Variants in PARP6 observed in about 807,000 individuals in gnomAD.
PARP6 encodes the protein poly(ADP-ribose) polymerase family member 6, also known as protein mono-ADP-ribosyltransferase PARP6.
PARP6 carries 27 observed loss-of-function variants against 92.0 expected under a neutral mutation model. That is an observed-to-expected ratio of 0.29 (90% CI 0.22 to 0.40). PARP6 has a LOEUF of 0.40. Among genes scored for constraint, PARP6 ranks in the 10% least tolerant of loss-of-function variants. PARP6 has a pLI of 1.00. For synonymous variants in PARP6, 272 were observed against 281.2 expected (o/e 0.97, Z 0.33); for missense variants, 501 against 784.5 (o/e 0.64, Z 4.32).
chr15:72,271,824 C>T lies in PARP6; in HGVS notation c.-459-537G>A, dbSNP rs1436988091. ...GTCCAGAGAAGGTGTTAAAACTCAG[C>T]GGCTAATATAGAACGCTTTATGAGT... On this transcript the variant is annotated intron_variant, in intron 1 of 23. Transcript: ENST00000569795. 2.0e-5 allele frequency among the ~76,000 whole-genome samples: 3 copies of T among 152,184 alleles called. No individual in the cohort carries two copies. In the East Asian group the frequency reaches 5.8e-4, roughly 29 times the overall value.
At chr15:72,256,693 T>G in intron 13 of PARP6, 103 bp from the exon 14 acceptor site, 1 of 967,750 alleles carries the variant, frequency 1.0e-6, no homozygotes, top group Non-Finnish European at 1.4e-6. Flanking sequence ...AAAAAGCAAA[T>G]ATGTTTAAGG....
At chr15:72,259,748 C>T in intron 10 of PARP6, 87 bp from the exon 11 acceptor site, 1 of 1,116,656 alleles carries the variant, frequency 9.0e-7, no homozygotes, top group Non-Finnish European at 1.3e-6. Context: ...ACCTAGGACT[C>T]TCCTAAAGCA....
At position 72,241,869 on chromosome 15, in the gene PARP6, C is replaced by T. The variant is rs770503133; in HGVS notation, c.1790+32G>A. 8 of 1,511,906 alleles carry T rather than the reference C, an allele frequency of 5.3e-6. No homozygotes were observed. Among genetic ancestry groups the T allele is most frequent in the South Asian group, 3.4e-5 (3 of 89,054 alleles). The allele number at this position is 1,511,906 out of a possible 1,614,324, so 93.7% of individuals were successfully genotyped here. A position where few individuals can be genotyped will look rare whatever the true frequency, so the allele number is the denominator to read the frequency against. ...CCATCACACCCCCAACCTCACTCCT[C>T]GAGTAATCCCCAGAGTCCCTCCGAC... On this transcript the variant is annotated intron_variant, in intron 23 of 23. Transcript: ENST00000569795. This position sits in a 1 kb window ranked among gnomAD's most constrained non-coding sequence, Gnocchi z 4.1.
chr15:72,269,986 G>A (rs11634622), intron 2 of PARP6, among the ~76,000 whole-genome samples: 94,667 of 151,408 alleles, frequency 0.63, 31,225 homozygotes, highest in Middle Eastern at 0.74. Flanking sequence ...GCTCCAAGTT[G>A]TTCTGATGCA....
At position 72,241,230 on chromosome 15, in the gene PARP6, A is replaced by C; in HGVS notation, c.*225T>G. The C allele has an allele frequency of 1.5e-6, 1 of 663,354 alleles. No individual in the cohort carries two copies. The highest frequency in any genetic ancestry group is 1.5e-5 in the South Asian group (1 of 66,372). 41.1% of individuals were successfully genotyped at this position (663,354 alleles called of 1,614,324 possible). On this transcript the variant is annotated 3_prime_UTR_variant, in exon 24 of 24. Coordinates refer to ENST00000569795, the MANE Select transcript of PARP6 (RefSeq NM_001323532.2). The surrounding 1 kb of genome is among the most constrained non-coding windows in gnomAD (Gnocchi z 4.1). ...TATTGTTTTATTTACAAACAGGGTG[A>C]AGTCAAAGGGAAAGTCAGGGGATGG...
In PARP6 at chr15:72,250,971, G is replaced by A. The variant is rs2084267972; in HGVS notation, c.1309-17C>T. ...GAACTTCAGCTGCTGCCCAGGGTGG[G>A]GGTGGAATCAGGAAAACAGAGCAGA... On this transcript the variant is annotated splice_polypyrimidine_tract_variant and intron_variant, in intron 17 of 23. Transcript: ENST00000569795. 2 of 1,580,648 alleles carry A rather than the reference G, an allele frequency of 1.3e-6. No individual in the cohort carries two copies. The highest frequency in any genetic ancestry group is 2.2e-5 in the East Asian group (1 of 44,482).
At chr15:72,264,383 C>T (rs1242837506) in intron 8 of PARP6, among the ~76,000 whole-genome samples, 172 bp downstream of exon 8, 1 of 152,204 alleles carries the variant, frequency 6.6e-6, no homozygotes, top group Non-Finnish European at 1.5e-5. Flanking sequence ...ACTCTCTCTC[C>T]ACAAGCTTAA....
At chr15:72,244,534 G>A (rs2083390695) in intron 20 of PARP6, 1 of 152,116 alleles carries the variant, frequency 6.6e-6, no homozygotes, top group Non-Finnish European at 1.5e-5. Context: ...CAAGTCACTG[G>A]AACTAGATAT....
In PARP6 at chr15:72,242,664, C is replaced by A; in HGVS notation, c.1597G>T (p.Asp533Tyr). 6.2e-7 allele frequency: 1 copy of A among 1,612,648 alleles called. No homozygotes were observed. Among genetic ancestry groups the A allele is most frequent in the South Asian group, 1.1e-5 (1 of 90,982 alleles). ...CTGTTGTATCTCTGGACCAGCTCATCCTTGGAGGGCATCCTGTGCTGTCCT... is the reference window on the plus strand; with the variant it reads ...CTGTTGTATCTCTGGACCAGCTCATACTTGGAGGGCATCCTGTGCTGTCCT... ...GKGQHRMPSKDELVQRYNRMN... is the reference protein window; with the variant it reads ...GKGQHRMPSKYELVQRYNRMN... Residue 533 changes from aspartate to tyrosine, a missense_variant, in exon 21 of 24, where the codon GAT becomes TAT. Transcript: ENST00000569795. This position sits in a 1 kb window ranked among gnomAD's most constrained non-coding sequence, Gnocchi z 4.3.
Position 72,252,498 on chromosome 15 carries a change from T to C in PARP6, c.1259+939A>G, listed in dbSNP as rs2084500371. Among the ~76,000 whole-genome samples, 3 of 152,266 alleles carry C rather than the reference T, an allele frequency of 2.0e-5. No homozygotes were observed. The South Asian group carries it at 6.2e-4, about 32-fold the overall frequency. On this transcript the variant is annotated intron_variant, in intron 16 of 23. Coordinates refer to ENST00000569795, the MANE Select transcript of PARP6 (RefSeq NM_001323532.2). ...TGTACACAATACATGTAATTTTTTT[T>C]TTTTGAGACGGAGTTTCGCTCTTGT...
chr15:72,272,151 C>T (rs62022789), intron 1 of PARP6: 94,748 of 152,180 alleles, frequency 0.62, 31,149 homozygotes, highest in Middle Eastern at 0.74. Flanking sequence ...GGAGAGAGGA[C>T]ACGGCTGCCC....
intron 2 of PARP6, among the ~76,000 whole-genome samples, chr15:72,270,191 G>C (rs892981913): frequency 1.3e-5 from 2 of 152,104 alleles, no homozygotes; most frequent in African/African-American, 4.8e-5. Flanking sequence ...CATGCAAACG[G>C]AAAGTATAAC....
chr15:72,271,795 G>A (rs769391993), intron 1 of PARP6, among the ~76,000 whole-genome samples: 1 of 152,224 alleles, frequency 6.6e-6, no homozygotes, highest in Admixed American at 6.5e-5. Context: ...ACTATATGAT[G>A]AGTGTCCAGA....
At chr15:72,248,171 A>G (rs779952739) in intron 20 of PARP6, among the ~76,000 whole-genome samples, 3 of 152,114 alleles carry the variant, frequency 2.0e-5, no homozygotes, top group Non-Finnish European at 4.4e-5. Context: ...ACCAGGGTTT[A>G]TCTGTTCTGT....
chr15:72,260,814 G>C (rs2085773058), intron 9 of PARP6, 126 bp from the exon 10 acceptor site: 3 of 723,922 alleles, frequency 4.1e-6, no homozygotes, highest in African/African-American at 1.8e-5. Context: ...CATATCTGAG[G>C]AAAGTTGCAT....
At chr15:72,253,343 T>C in intron 16 of PARP6, 94 bp downstream of exon 16, 3 of 954,752 alleles carry the variant, frequency 3.1e-6, no homozygotes, top group South Asian at 1.4e-5. Context: ...TTGGGAAGGA[T>C]GTTGAAACCA....
chr15:72,266,934 A>C (rs1471764499), intron 3 of PARP6, 112 bp from the exon 4 acceptor site: 2 of 821,916 alleles, frequency 2.4e-6, no homozygotes, highest in Non-Finnish European at 2.1e-6. Flanking sequence ...GAAATATAGA[A>C]TAACTGAAGC....
At position 72,242,609 on chromosome 15, in the gene PARP6, A is replaced by T; in HGVS notation, c.1641+11T>A. On this transcript the variant is annotated intron_variant, in intron 21 of 23. Transcript: ENST00000569795. The surrounding 1 kb of genome is among the most constrained non-coding windows in gnomAD (Gnocchi z 4.3). ...GGGAAAGGTCCTGCCTCATTAGAAT[A>T]GTTCCAATACCTGGGGGATGGTATT... 2.5e-6 allele frequency: 4 copies of T among 1,569,824 alleles called. No individual in the cohort carries two copies. The highest frequency in any genetic ancestry group is 3.5e-6 in the Non-Finnish European group (4 of 1,139,600).
intron 11 of PARP6, among the ~76,000 whole-genome samples, chr15:72,258,717 A>T (rs2085454053): frequency 6.6e-6 from 1 of 151,644 alleles, no homozygotes; most frequent in South Asian, 2.1e-4. Flanking sequence ...GCAATATCCT[A>T]CAGCGTTTTT....
Sources: allele counts gnomAD v4.1 joint callset (sites outside exome capture counted in the v4.1 genomes callset), GRCh38; gene constraint gnomAD v4.1.1; non-coding constraint Gnocchi (gnomAD v3.1); transcripts MANE v1.5; gene names NCBI Gene and HGNC (gene_info 2026-07-23, HGNC 2026-07-21).